Variants in ANKRD36C observed in about 807,000 individuals in gnomAD.
ANKRD36C encodes the protein ankyrin repeat domain 36C.
ANKRD36C carries 61 observed loss-of-function variants against 276.4 expected under a neutral mutation model. The ratio of observed to expected loss-of-function variants is 0.22; its 90% CI spans 0.18 to 0.27. The LOEUF (loss-of-function observed/expected upper bound fraction) is 0.27, where lower values mean the gene tolerates loss of function less well. Ranked by LOEUF, ANKRD36C falls within the 10% of genes least tolerant of loss-of-function variation. The probability of loss-of-function intolerance (pLI) is 1.00; values close to 1 mark genes in which losing one functional copy is unlikely to be tolerated. For synonymous variants in ANKRD36C, 483 were observed against 680.1 expected, an observed-to-expected ratio of 0.71 and a Z score of 4.51; for missense variants, 1,447 against 2,032.3, an observed-to-expected ratio of 0.71 and a Z score of 5.54.
intron 59 of ANKRD36C, among the ~76,000 whole-genome samples, chr2:95,870,329 C>T (rs1253442126): frequency 6.6e-6 from 1 of 152,180 alleles, no homozygotes; most frequent in Non-Finnish European, 1.5e-5. Flanking sequence ...CCCAGAGGAA[C>T]GATCACACAG....
intron 40 of ANKRD36C, 61 bp from the exon 43 acceptor site, chr2:95,912,496 T>C: frequency 1.2e-6 from 2 of 1,600,900 alleles, no homozygotes; most frequent in Non-Finnish European, 1.7e-6. Flanking sequence ...TATCCATACA[T>C]TCGCACAGTG....
intron 10 of ANKRD36C, among the ~76,000 whole-genome samples, chr2:95,959,782 C>T (rs886254325): frequency 6.6e-6 from 1 of 152,196 alleles, no homozygotes; most frequent in Admixed American, 6.6e-5. Flanking sequence ...AACAACAAAA[C>T]ATATATCTCT....
intron 42 of ANKRD36C, among the ~76,000 whole-genome samples, chr2:95,911,748 A>T (rs1414887698): frequency 2.0e-5 from 3 of 151,302 alleles, no homozygotes; most frequent in African/African-American, 7.3e-5. Context: ...CCAAAATTAT[A>T]TAAACGACTT....
exon 4 of ANKRD36C, chr2:95,982,264 A>G: frequency 1.3e-6 from 2 of 1,545,974 alleles, no homozygotes; most frequent in South Asian, 1.2e-5. Context: ...ACCTGCCAAG[A>G]TAATCAACGG....
chr2:95,908,880 C>T (rs1435522570), intron 42 of ANKRD36C, among the ~76,000 whole-genome samples, 183 bp from the exon 47 acceptor site: 1 of 151,406 alleles, frequency 6.6e-6, no homozygotes, highest in African/African-American at 2.4e-5. Context: ...GGAATACAGG[C>T]TCCACGAAAT....
chr2:95,916,055 G>C lies in ANKRD36C; in HGVS notation c.2377-3C>G. 6.3e-7 allele frequency: 1 copy of C among 1,588,676 alleles called. No individual in the cohort carries two copies. The highest frequency in any genetic ancestry group is 1.1e-5 in the South Asian group (1 of 88,904). On this transcript the variant is annotated splice_region_variant and splice_polypyrimidine_tract_variant and intron_variant, in intron 37 of 66. Coordinates refer to ENST00000456556, the Ensembl canonical transcript of ANKRD36C. ...GAATCTTTCTCATCACTTGTAGCCT[G>C]AATGGAATTTGAAACAAAATAATAA...
At position 95,958,441 on chromosome 2, in the gene ANKRD36C, A is replaced by G. The variant is rs1678381439; in HGVS notation, c.1105+150T>C. 4.6e-6 allele frequency: 5 copies of G among 1,079,096 alleles called. No individual in the cohort carries two copies. In the South Asian group the frequency reaches 6.2e-5, roughly 13 times the overall value. The allele number at this position is 1,079,096 out of a possible 1,614,324, so 66.8% of individuals were successfully genotyped here. A position where few individuals can be genotyped will look rare whatever the true frequency, so the allele number is the denominator to read the frequency against. ...ATGGACAAAAATCAGCAGAATCACCATCACTCAAGAACTTATTACAAATGC... is the reference window on the plus strand; with the variant it reads ...ATGGACAAAAATCAGCAGAATCACCGTCACTCAAGAACTTATTACAAATGC... On this transcript the variant is annotated intron_variant, in intron 12 of 66. Coordinates refer to ENST00000456556, the Ensembl canonical transcript of ANKRD36C.
intron 24 of ANKRD36C, among the ~76,000 whole-genome samples, chr2:95,931,722 G>A (rs1037887859): frequency 9.4e-5 from 14 of 148,542 alleles, no homozygotes; most frequent in Non-Finnish European, 1.6e-4. Context: ...GACAAGCTGA[G>A]ATCCTTACTA....
At chr2:95,910,922 C>T (rs4907225) in intron 42 of ANKRD36C, among the ~76,000 whole-genome samples, 42,097 of 150,298 alleles carry the variant, frequency 0.28, 6,771 homozygotes, top group East Asian at 0.5. Context: ...AAGCAGGTGC[C>T]ACATGATCCC....
At chr2:95,884,937 T>C (rs955819102) in intron 52 of ANKRD36C, among the ~76,000 whole-genome samples, 2 of 152,032 alleles carry the variant, frequency 1.3e-5, no homozygotes, top group Admixed American at 6.6e-5. Context: ...ATAATATTTA[T>C]TATTCCTCAC....
chr2:95,924,555 T>C (rs949832253), intron 30 of ANKRD36C, among the ~76,000 whole-genome samples: 49 of 151,658 alleles, frequency 3.2e-4, no homozygotes, highest in African/African-American at 1.2e-3. Flanking sequence ...ATCATTGTAT[T>C]ATAAAGAATT....
intron 15 of ANKRD36C, 141 bp downstream of exon 15, chr2:95,951,207 A>C: frequency 1.4e-6 from 1 of 738,370 alleles, no homozygotes; most frequent in South Asian, 1.7e-5. Context: ...CAGGAGATGG[A>C]AACTGCAGTG....
intron 24 of ANKRD36C, among the ~76,000 whole-genome samples, chr2:95,930,684 T>C (rs1403509506): frequency 2.6e-5 from 4 of 151,522 alleles, no homozygotes; most frequent in Non-Finnish European, 4.4e-5. Context: ...ATTGTCATGA[T>C]TATTGGCAGT....
exon 4 of ANKRD36C, chr2:95,982,307 T>C: frequency 6.4e-7 from 1 of 1,550,970 alleles, no homozygotes; most frequent in Non-Finnish European, 8.7e-7. Context: ...TAATAAAAAT[T>C]CCACCATTTT....
intron 50 of ANKRD36C, among the ~76,000 whole-genome samples, chr2:95,886,908 G>A (rs1056879231): frequency 2.6e-5 from 4 of 151,612 alleles, no homozygotes; most frequent in African/African-American, 9.7e-5. Context: ...TGGCAACAAA[G>A]TATAATATAT....
At chr2:95,948,891 C>T (rs1310494602) in intron 16 of ANKRD36C, among the ~76,000 whole-genome samples, 1 of 152,082 alleles carries the variant, frequency 6.6e-6, no homozygotes, top group African/African-American at 2.4e-5. Context: ...AATGGCACAG[C>T]CAGACAATAA....
At chr2:95,880,551 G>C (rs897251175) in intron 57 of ANKRD36C, 44 bp downstream of exon 77, 24 of 1,531,428 alleles carry the variant, frequency 1.6e-5, no homozygotes, top group Non-Finnish European at 2.1e-5. Flanking sequence ...ATTGGTATAG[G>C]TTATGCAGTT....
At chr2:95,910,836 G>A (rs886099773) in intron 42 of ANKRD36C, among the ~76,000 whole-genome samples, 41 of 151,486 alleles carry the variant, frequency 2.7e-4, no homozygotes, top group Admixed American at 5.9e-4. Flanking sequence ...CAATCTCAAC[G>A]TGCATAGGCC....
intron 3 of ANKRD36C, among the ~76,000 whole-genome samples, chr2:95,985,730 G>T (rs539089484): frequency 6.6e-6 from 1 of 152,124 alleles, no homozygotes; most frequent in East Asian, 1.9e-4. Flanking sequence ...TCCCTTTATC[G>T]TTTGGGATTT....
Sources: gnomAD v4.1 joint callset for allele counts (sites outside exome capture counted in the v4.1 genomes callset) on GRCh38, gnomAD v4.1.1 for gene constraint, MANE v1.5 for transcripts, NCBI Gene and HGNC (gene_info 2026-07-23, HGNC 2026-07-21) for gene names.